Variants in LRMDA observed in about 807,000 individuals in gnomAD.
LRMDA encodes the protein leucine-rich melanocyte differentiation-associated protein.
Under a neutral mutation model 29.8 loss-of-function variants are expected in LRMDA, and 18 were observed. The observed-to-expected ratio is 0.60, with a 90% confidence interval of 0.42 to 0.90. The LOEUF (loss-of-function observed/expected upper bound fraction) is 0.90. LRMDA is among the 40% of genes least tolerant of loss of function. The pLI is 0.00. For missense variants in LRMDA, 273 were observed against 273.9 expected, an observed-to-expected ratio of 1.00 and a Z score of 0.02; for synonymous variants, 125 against 109.4, an observed-to-expected ratio of 1.14 and a Z score of -0.89.
intron 2 of LRMDA, among the ~76,000 whole-genome samples, chr10:75,834,524 C>A (rs138093956): frequency 6.6e-6 from 1 of 152,206 alleles, no homozygotes; most frequent in Non-Finnish European, 1.5e-5. Context: ...TTTTAATTAA[C>A]ATCCCTTCCC....
At chr10:75,902,547 TTTTG>T (rs1307145770) in intron 2 of LRMDA, among the ~76,000 whole-genome samples, 1 of 152,192 alleles carries the variant, frequency 6.6e-6, no homozygotes, top group Non-Finnish European at 1.5e-5. Flanking sequence ...TTCTTTCTGT[TTTTG>T]TTTGTTTATT....
At chr10:75,560,242 C>G (rs1261113797) in intron 2 of LRMDA, among the ~76,000 whole-genome samples, 1 of 152,102 alleles carries the variant, frequency 6.6e-6, no homozygotes, top group Non-Finnish European at 1.5e-5. Context: ...TTGAAGAGGT[C>G]TTTCACGTCC....
chr10:76,157,330 A>T (rs1470247961), intron 5 of LRMDA, among the ~76,000 whole-genome samples: 2 of 152,160 alleles, frequency 1.3e-5, no homozygotes, highest in Non-Finnish European at 2.9e-5. Context: ...AATAGCTTAG[A>T]ACTGGGTGCA....
At chr10:75,612,703 A>T (rs1047140954) in intron 2 of LRMDA, among the ~76,000 whole-genome samples, 6 of 150,484 alleles carry the variant, frequency 4.0e-5, no homozygotes, top group African/African-American at 1.5e-4. Flanking sequence ...TTAGAGAGGC[A>T]ATAGTGTGGA....
intron 2 of LRMDA, among the ~76,000 whole-genome samples, chr10:75,835,751 C>A (rs1408513427): frequency 2.0e-5 from 3 of 152,124 alleles, no homozygotes; most frequent in African/African-American, 2.4e-5. Flanking sequence ...ATGGCTAAGG[C>A]CCTTCAGGAC....
At chr10:75,652,907 T>C (rs1165688929) in intron 2 of LRMDA, among the ~76,000 whole-genome samples, 1 of 152,202 alleles carries the variant, frequency 6.6e-6, no homozygotes, top group African/African-American at 2.4e-5. Flanking sequence ...CCACTTGGAG[T>C]AAAGCTCATA....
chr10:75,640,907 G>A (rs150648015), intron 2 of LRMDA, among the ~76,000 whole-genome samples: 5 of 152,344 alleles, frequency 3.3e-5, no homozygotes, highest in Admixed American at 3.3e-4. Flanking sequence ...TTGCATTGAT[G>A]TGCTGAGGTG....
At chr10:75,920,274 C>A (rs1340004573) in intron 2 of LRMDA, among the ~76,000 whole-genome samples, 2 of 152,076 alleles carry the variant, frequency 1.3e-5, no homozygotes, top group African/African-American at 4.8e-5. Flanking sequence ...TTTGAGATTA[C>A]CCCCAGGACT....
At chr10:76,284,901 C>T (rs1840252661) in intron 5 of LRMDA, among the ~76,000 whole-genome samples, 1 of 152,186 alleles carries the variant, frequency 6.6e-6, no homozygotes. Flanking sequence ...CCTTCACCTT[C>T]CACCATGATT....
intron 5 of LRMDA, among the ~76,000 whole-genome samples, chr10:76,304,170 A>C (rs1303449447): frequency 6.6e-6 from 1 of 152,170 alleles, no homozygotes; most frequent in Non-Finnish European, 1.5e-5. Flanking sequence ...ATTGAAGGAG[A>C]CAGAAAGATG....
chr10:75,466,730 C>G (rs1844655234), intron 2 of LRMDA, among the ~76,000 whole-genome samples: 1 of 152,068 alleles, frequency 6.6e-6, no homozygotes, highest in Non-Finnish European at 1.5e-5. Flanking sequence ...CCCTTTGGAC[C>G]AAGTCCAGAA....
intron 2 of LRMDA, among the ~76,000 whole-genome samples, chr10:75,725,377 G>A (rs560177128): frequency 2.6e-5 from 4 of 152,318 alleles, no homozygotes; most frequent in South Asian, 4.1e-4. Context: ...GCCGAGCCCC[G>A]CTCTTCTTTG....
chr10:75,896,578 G>GT (rs995249932), intron 2 of LRMDA, among the ~76,000 whole-genome samples: 1 of 152,138 alleles, frequency 6.6e-6, no homozygotes, highest in African/African-American at 2.4e-5. Flanking sequence ...ATGTGTCTGG[G>GT]TAAGTAGTCA....
At chr10:76,225,057 T>C (rs1162027795) in intron 5 of LRMDA, among the ~76,000 whole-genome samples, 1 of 152,004 alleles carries the variant, frequency 6.6e-6, no homozygotes, top group Non-Finnish European at 1.5e-5. Context: ...ATTTATTGAG[T>C]TGTCTCTGTG....
At chr10:75,535,564 GC>G (rs1270582056) in intron 2 of LRMDA, among the ~76,000 whole-genome samples, 3 of 151,928 alleles carry the variant, frequency 2.0e-5, no homozygotes, top group Non-Finnish European at 4.4e-5. Context: ...GCATTTTGGG[GC>G]AGACAATGAG....
chr10:75,683,271 T>C (rs910912273), intron 2 of LRMDA, among the ~76,000 whole-genome samples: 1 of 152,180 alleles, frequency 6.6e-6, no homozygotes, highest in Non-Finnish European at 1.5e-5. Flanking sequence ...GTAGGATAAA[T>C]AGCTGCTCAC....
At chr10:75,975,337 C>T (rs140451824) in intron 2 of LRMDA, among the ~76,000 whole-genome samples, 99 of 152,280 alleles carry the variant, frequency 6.5e-4, no homozygotes, top group Non-Finnish European at 1.0e-3. Flanking sequence ...GAAACAAAGA[C>T]GACCCAATAG....
chr10:75,722,999 A>G (rs1842587204), intron 2 of LRMDA, among the ~76,000 whole-genome samples: 1 of 152,180 alleles, frequency 6.6e-6, no homozygotes, highest in African/African-American at 2.4e-5. Flanking sequence ...AATTGATCTG[A>G]TTCCCTTTGG....
At chr10:76,163,943 AT>A (rs920414028) in intron 5 of LRMDA, among the ~76,000 whole-genome samples, 15 of 152,252 alleles carry the variant, frequency 9.9e-5, no homozygotes, top group African/African-American at 3.6e-4. Context: ...AAAAAGGGCC[AT>A]TTGCTTTTCT....
Sources: allele counts gnomAD v4.1 joint callset (sites outside exome capture counted in the v4.1 genomes callset), GRCh38; gene constraint gnomAD v4.1.1; transcripts MANE v1.5; gene names NCBI Gene and HGNC (gene_info 2026-07-23, HGNC 2026-07-21).